BARX2: variants seen among roughly 807,000 people sequenced by gnomAD.
BARX2 encodes BARX homeobox 2, also known as homeobox protein BarH-like 2.
In BARX2, 11 loss-of-function variants were observed where a neutral mutation model predicts 25.5. That is an observed-to-expected ratio of 0.43 (90% CI 0.27 to 0.71). BARX2 has a LOEUF of 0.71. Among genes scored for constraint, BARX2 ranks in the 30% least tolerant of loss-of-function variants. BARX2 has a pLI of 0.19. For synonymous variants in BARX2, 137 were observed against 149.5 expected (o/e 0.92, Z 0.61); for missense variants, 360 against 359.9 (o/e 1.00, Z 0.00).
chr11:129,423,860 CTTTTT>C (rs111828730), intron 1 of BARX2, among the ~76,000 whole-genome samples: 1 of 143,028 alleles, frequency 7.0e-6, no homozygotes, highest in Non-Finnish European at 1.5e-5. Flanking sequence ...TCTCTCTCTC[CTTTTT>C]TTTTTTTTTG....
chr11:129,437,152 C>A, intron 2 of BARX2, 101 bp downstream of exon 2: 1 of 1,291,248 alleles, frequency 7.7e-7, no homozygotes, highest in Non-Finnish European at 1.0e-6. Flanking sequence ...TACAGTGAGG[C>A]AGGACACTAT....
At chr11:129,405,800 C>T (rs1202377225) in intron 1 of BARX2, among the ~76,000 whole-genome samples, 2 of 152,172 alleles carry the variant, frequency 1.3e-5, no homozygotes, top group Admixed American at 6.5e-5. Flanking sequence ...TTGCGATGTC[C>T]CCTCTGCCTA....
chr11:129,428,842 G>C (rs1401043133), intron 1 of BARX2, among the ~76,000 whole-genome samples: 2 of 152,210 alleles, frequency 1.3e-5, no homozygotes, highest in East Asian at 3.8e-4. Flanking sequence ...CATCACGGCA[G>C]CTTTGTGTGT....
intron 2 of BARX2, 80 bp from the exon 3 acceptor site, chr11:129,442,755 C>G: frequency 7.9e-7 from 1 of 1,268,470 alleles, no homozygotes; most frequent in Non-Finnish European, 1.2e-6. Flanking sequence ...TGGAGCCTGT[C>G]TGGAGCCTGC....
intron 2 of BARX2, 186 bp from the exon 3 acceptor site, chr11:129,442,649 C>G: frequency 1.5e-6 from 1 of 649,998 alleles, no homozygotes; most frequent in South Asian, 1.5e-5. Context: ...TTCTCAGCTT[C>G]CCAGAGTTTC....
At chr11:129,389,558 A>ATT (rs564179667) in intron 1 of BARX2, among the ~76,000 whole-genome samples, 5 of 147,222 alleles carry the variant, frequency 3.4e-5, no homozygotes, top group South Asian at 4.3e-4. Flanking sequence ...TTGTTACTTT[A>ATT]TTTTTTTTTT....
At chr11:129,450,182 CA>C (rs1476109995) in intron 3 of BARX2, among the ~76,000 whole-genome samples, 1 of 152,192 alleles carries the variant, frequency 6.6e-6, no homozygotes, top group Non-Finnish European at 1.5e-5. Flanking sequence ...TTTCTACTAT[CA>C]AAGCCAAAAT....
chr11:129,385,587 A>G (rs1271657950), intron 1 of BARX2, among the ~76,000 whole-genome samples: 1 of 152,230 alleles, frequency 6.6e-6, no homozygotes, highest in Non-Finnish European at 1.5e-5. Context: ...TTGAAAAGGC[A>G]CAAACTAATA....
intron 1 of BARX2, among the ~76,000 whole-genome samples, chr11:129,377,849 T>C (rs904388807): frequency 6.6e-6 from 1 of 152,244 alleles, no homozygotes; most frequent in Non-Finnish European, 1.5e-5. Context: ...TGTGCTGTGT[T>C]GACTTGAAGG....
At chr11:129,400,874 G>T (rs1861768481) in intron 1 of BARX2, among the ~76,000 whole-genome samples, 3 of 152,196 alleles carry the variant, frequency 2.0e-5, no homozygotes, top group African/African-American at 4.8e-5. Context: ...AGCCTACCCA[G>T]AGAGATAAAG....
chr11:129,430,812 T>C (rs1862119866), intron 1 of BARX2, among the ~76,000 whole-genome samples: 1 of 152,208 alleles, frequency 6.6e-6, no homozygotes, highest in Non-Finnish European at 1.5e-5. Flanking sequence ...CTGGCCTCTT[T>C]CACTTAAGCA....
At chr11:129,404,433 G>C (rs1861808963) in intron 1 of BARX2, among the ~76,000 whole-genome samples, 1 of 152,216 alleles carries the variant, frequency 6.6e-6, no homozygotes, top group African/African-American at 2.4e-5. Flanking sequence ...GATGGAGAAA[G>C]AAAACACAAG....
Position 129,446,477 on chromosome 11 carries a change from C to T in BARX2, c.573+3558C>T, listed in dbSNP as rs1239174839. Among the ~76,000 whole-genome samples the T allele has an allele frequency of 2.0e-5, 3 of 152,164 alleles. No individual in the cohort carries two copies. The East Asian group carries it at 5.8e-4, about 29-fold the overall frequency. ...GTACCTTGTAGGGTTGTGTTATTAACTGAGCTAATCTCTGTAAAACACGTA... is the reference window on the plus strand; with the variant it reads ...GTACCTTGTAGGGTTGTGTTATTAATTGAGCTAATCTCTGTAAAACACGTA... On this transcript the variant is annotated intron_variant, in intron 3 of 3. Coordinates refer to ENST00000281437, the MANE Select transcript of BARX2 (RefSeq NM_003658.5).
At chr11:129,437,105 C>T in intron 2 of BARX2, 54 bp downstream of exon 2, 1 of 1,470,856 alleles carries the variant, frequency 6.8e-7, no homozygotes, top group Non-Finnish European at 9.1e-7. Context: ...GAACGGGAGA[C>T]TTGCTCCCAT....
chr11:129,419,324 G>C (rs866960725), intron 1 of BARX2, among the ~76,000 whole-genome samples: 1 of 152,166 alleles, frequency 6.6e-6, no homozygotes. Flanking sequence ...TGATGTTTTT[G>C]TCGCTAGAAA....
At chr11:129,417,580 G>C (rs529576933) in intron 1 of BARX2, among the ~76,000 whole-genome samples, 1 of 152,292 alleles carries the variant, frequency 6.6e-6, no homozygotes, top group African/African-American at 2.4e-5. Context: ...CCTCTTTTCT[G>C]TGCCAAACCT....
chr11:129,395,600 CCTCT>C (rs1861711571), intron 1 of BARX2, among the ~76,000 whole-genome samples: 1 of 152,100 alleles, frequency 6.6e-6, no homozygotes, highest in African/African-American at 2.4e-5. Context: ...CACGTTCAGC[CCTCT>C]CTCTCTGCAC....
In BARX2 at chr11:129,436,310, A is replaced by G. The variant is rs2135411512; in HGVS notation, c.188-441A>G. 1.2e-5 allele frequency: 2 copies of G among 163,732 alleles called. No individual in the cohort carries two copies. The highest frequency in any genetic ancestry group is 4.1e-4 in the South Asian group (2 of 4,916). The allele number at this position is 163,732 out of a possible 1,614,324, so 10.1% of individuals were successfully genotyped here. On this transcript the variant is annotated intron_variant, in intron 1 of 3. Coordinates refer to ENST00000281437, the MANE Select transcript of BARX2 (RefSeq NM_003658.5). This position sits in a 1 kb window ranked among gnomAD's most constrained non-coding sequence, Gnocchi z 4.5. The stretch of plus-strand genomic sequence containing the variant: ...AAGGTACACAGACTTCTCAGGAAGA[A>G]TTCATAGCTACAAGCATGTCTTTTT...
chr11:129,439,391 C>G (rs1003557333), intron 2 of BARX2, among the ~76,000 whole-genome samples: 4 of 152,274 alleles, frequency 2.6e-5, no homozygotes, highest in Non-Finnish European at 5.9e-5. Flanking sequence ...AACCCATCAT[C>G]TACATTAGGT....
Sources: allele counts gnomAD v4.1 joint callset (sites outside exome capture counted in the v4.1 genomes callset), GRCh38; gene constraint gnomAD v4.1.1; non-coding constraint Gnocchi (gnomAD v3.1); transcripts MANE v1.5; gene names NCBI Gene and HGNC (gene_info 2026-07-23, HGNC 2026-07-21).